NT5DC1: variants seen among roughly 807,000 people sequenced by gnomAD.
NT5DC1 encodes 5'-nucleotidase domain-containing protein 1.
Under a neutral mutation model 59.4 loss-of-function variants are expected in NT5DC1, and 42 were observed. The ratio of observed to expected loss-of-function variants is 0.71; its 90% CI spans 0.55 to 0.92. The LOEUF (loss-of-function observed/expected upper bound fraction) is 0.92. Ranked by LOEUF, NT5DC1 falls within the 40% of genes least tolerant of loss-of-function variation. The pLI, the probability that NT5DC1 is intolerant of heterozygous loss-of-function variation, is 0.00. For missense variants in NT5DC1, 501 were observed against 537.1 expected (o/e 0.93, Z 0.66); for synonymous variants, 172 against 188.1 (o/e 0.91, Z 0.70).
intron 10 of NT5DC1, among the ~76,000 whole-genome samples, chr6:116,238,748 T>C (rs1335128950): frequency 2.0e-5 from 3 of 152,084 alleles, no homozygotes; most frequent in Non-Finnish European, 1.5e-5. Flanking sequence ...CAATTGACCA[T>C]ATAAAAAGCT....
At chr6:116,140,777 T>C (rs2114363674) in intron 6 of NT5DC1, among the ~76,000 whole-genome samples, 1 of 152,270 alleles carries the variant, frequency 6.6e-6, no homozygotes, top group South Asian at 2.1e-4. Flanking sequence ...TGATGTAACA[T>C]TGTGTTTTTG....
At chr6:116,120,883 A>G (rs879089042) in intron 6 of NT5DC1, 2 of 1,613,620 alleles carry the variant, frequency 1.2e-6, no homozygotes, top group Non-Finnish European at 1.7e-6. Context: ...CAACTCCAGG[A>G]TCACCTTTTG....
At chr6:116,196,498 T>A (rs570078998) in intron 6 of NT5DC1, among the ~76,000 whole-genome samples, 7 of 152,188 alleles carry the variant, frequency 4.6e-5, no homozygotes, top group African/African-American at 1.7e-4. Context: ...AAAAGTTTTC[T>A]CTTTGCCATT....
chr6:116,105,544 CT>C (rs1251620440), intron 1 of NT5DC1, among the ~76,000 whole-genome samples: 1 of 152,110 alleles, frequency 6.6e-6, no homozygotes, highest in African/African-American at 2.4e-5. Context: ...CTTTTGTGCA[CT>C]TTTTGTTTGG....
At chr6:116,155,434 C>T (rs184330498) in intron 6 of NT5DC1, among the ~76,000 whole-genome samples, 44 of 152,156 alleles carry the variant, frequency 2.9e-4, no homozygotes, top group Admixed American at 7.9e-4. Context: ...TCTGGGTGCT[C>T]TAGAGGACCA....
intron 6 of NT5DC1, among the ~76,000 whole-genome samples, chr6:116,142,740 G>A (rs1010552642): frequency 2.0e-5 from 3 of 152,082 alleles, no homozygotes; most frequent in Non-Finnish European, 4.4e-5. Flanking sequence ...AATAGAATTT[G>A]GGACTGCTTT....
At chr6:116,211,095 G>A (rs900575264) in intron 6 of NT5DC1, among the ~76,000 whole-genome samples, 1 of 151,990 alleles carries the variant, frequency 6.6e-6, no homozygotes, top group Non-Finnish European at 1.5e-5. Flanking sequence ...CTTGCTCTGG[G>A]GGAAACCCAC....
At chr6:116,225,761 A>G (rs1204804) in intron 8 of NT5DC1, among the ~76,000 whole-genome samples, 95,199 of 152,106 alleles carry the variant, frequency 0.63, 31,679 homozygotes, top group African/African-American at 0.87. Context: ...GGTTTTAGCT[A>G]GAAGACAGTG....
At chr6:116,176,411 T>C (rs566114908) in intron 6 of NT5DC1, among the ~76,000 whole-genome samples, 158 of 152,298 alleles carry the variant, frequency 1.0e-3, no homozygotes, top group Non-Finnish European at 1.9e-3. Flanking sequence ...AGTCTCAGCC[T>C]TAGAGAAGCC....
chr6:116,144,038 CAAAT>C (rs1779830367), intron 6 of NT5DC1, among the ~76,000 whole-genome samples: 3 of 152,088 alleles, frequency 2.0e-5, no homozygotes, highest in South Asian at 4.1e-4. Flanking sequence ...CACACATTGC[CAAAT>C]AAATACAATC....
chr6:116,231,147 A>ACCCCC (rs899675633), intron 8 of NT5DC1, among the ~76,000 whole-genome samples: 8 of 56,090 alleles, frequency 1.4e-4, no homozygotes, highest in African/African-American at 1.3e-3. Context: ...TGAATGGTAA[A>ACCCCC]TCCCCCCCCC....
At chr6:116,209,237 A>C (rs916837229) in intron 6 of NT5DC1, among the ~76,000 whole-genome samples, 1 of 151,998 alleles carries the variant, frequency 6.6e-6, no homozygotes, top group Admixed American at 6.6e-5. Context: ...AAGAGACAAA[A>C]TCAAGGCTAT....
At chr6:116,181,279 A>G (rs1780867819) in intron 6 of NT5DC1, among the ~76,000 whole-genome samples, 1 of 152,064 alleles carries the variant, frequency 6.6e-6, no homozygotes, top group African/African-American at 2.4e-5. Flanking sequence ...TAATAAGAAT[A>G]CAATGTAATA....
chr6:116,241,944 C>CAAAAAAAAA (rs1173659223), intron 11 of NT5DC1, among the ~76,000 whole-genome samples: 1 of 34,412 alleles, frequency 2.9e-5, no homozygotes. Context: ...AAAAACAAAA[C>CAAAAAAAAA]AAAAAAAAAA....
At chr6:116,105,583 G>A (rs1349767766) in intron 1 of NT5DC1, among the ~76,000 whole-genome samples, 2 of 152,188 alleles carry the variant, frequency 1.3e-5, no homozygotes, top group African/African-American at 4.8e-5. Context: ...AAGTTAGCCA[G>A]CACTTAAAAA....
chr6:116,173,558 G>A (rs1042780840), intron 6 of NT5DC1, among the ~76,000 whole-genome samples: 4 of 152,100 alleles, frequency 2.6e-5, no homozygotes, highest in East Asian at 1.9e-4. Context: ...AAAGCTGAGC[G>A]AGGGCGAGTG....
intron 2 of NT5DC1, among the ~76,000 whole-genome samples, chr6:116,107,202 A>T (rs1778783114): frequency 6.8e-6 from 1 of 147,494 alleles, no homozygotes; most frequent in Non-Finnish European, 1.5e-5. Flanking sequence ...ACAATACTAA[A>T]CCACATGAAA....
intron 6 of NT5DC1, among the ~76,000 whole-genome samples, chr6:116,178,086 TGTGCGCGCGCGC>T (rs1780783813): frequency 2.6e-5 from 2 of 77,552 alleles, no homozygotes; most frequent in African/African-American, 5.9e-5. Context: ...TGTGTGTGTG[TGTGCGCGCGCGC>T]GCGCGTGCGT....
intron 10 of NT5DC1, among the ~76,000 whole-genome samples, chr6:116,238,612 C>G (rs1782169574): frequency 6.6e-6 from 1 of 151,522 alleles, no homozygotes; most frequent in South Asian, 2.1e-4. Context: ...AAAATTAGAC[C>G]AAGTTGTTTT....
Sources: allele counts gnomAD v4.1 joint callset (sites outside exome capture counted in the v4.1 genomes callset), GRCh38; gene constraint gnomAD v4.1.1; transcripts MANE v1.5; gene names NCBI Gene and HGNC (gene_info 2026-07-23, HGNC 2026-07-21).